The following ADARB2 variants were observed in gnomAD, a reference collection of about 807,000 sequenced individuals.
ADARB2 encodes adenosine deaminase RNA specific B2 (inactive), also known as inactive double-stranded RNA-specific editase B2.
In ADARB2, 25 loss-of-function variants were observed where a neutral mutation model predicts 62.2. That is an observed-to-expected ratio of 0.40 (90% CI 0.29 to 0.56). The LOEUF is 0.56. Ranked by LOEUF, ADARB2 falls within the 20% of genes least tolerant of loss-of-function variation. ADARB2 has a pLI of 0.43. For synonymous variants in ADARB2, 572 were observed against 500.8 expected (o/e 1.14, Z -1.90); for missense variants, 1,071 against 1,077.4 (o/e 0.99, Z 0.08).
chr10:1,253,182 G>T lies in ADARB2; in HGVS notation c.1193-10883C>A, dbSNP rs149367506. Among the ~76,000 whole-genome samples the T allele has an allele frequency of 9.5e-3, 1,445 of 152,304 alleles. 11 individuals are homozygous for T. The highest frequency in any genetic ancestry group is 0.012 in the Non-Finnish European group (838 of 68,012). On this transcript the variant is annotated intron_variant, in intron 4 of 9. Transcript: ENST00000381312. ...CATGTGCCTGATACACAGCAAAAAT[G>T]CCGCCATCTTTAGCTATTATGATAC... is the stretch of plus-strand genomic sequence containing the variant.
chr10:1,504,732 A>C (rs535777686), intron 1 of ADARB2, among the ~76,000 whole-genome samples: 1 of 152,332 alleles, frequency 6.6e-6, no homozygotes, highest in South Asian at 2.1e-4. Flanking sequence ...GTATAAAGCT[A>C]CATTTTTTTC....
At chr10:1,328,514 T>C (rs1180344458) in intron 3 of ADARB2, among the ~76,000 whole-genome samples, 1 of 152,124 alleles carries the variant, frequency 6.6e-6, no homozygotes, top group Non-Finnish European at 1.5e-5. Flanking sequence ...TGTTTTTTTT[T>C]CTTGAACAGT....
chr10:1,374,069 C>T (rs1170083429), intron 2 of ADARB2, among the ~76,000 whole-genome samples: 1 of 152,166 alleles, frequency 6.6e-6, no homozygotes, highest in Non-Finnish European at 1.5e-5. Context: ...GGCATGTCCT[C>T]CTGCCTCTGC....
At chr10:1,377,292 T>A (rs1832441745) in intron 2 of ADARB2, among the ~76,000 whole-genome samples, 1 of 143,524 alleles carries the variant, frequency 7.0e-6, no homozygotes, top group Non-Finnish European at 1.5e-5. Flanking sequence ...TGTATGTGCG[T>A]GTGCTCCTGG....
intron 1 of ADARB2, among the ~76,000 whole-genome samples, chr10:1,496,651 C>A (rs1219652820): frequency 6.6e-6 from 1 of 151,942 alleles, no homozygotes; most frequent in Non-Finnish European, 1.5e-5. Flanking sequence ...GTATGGTTAT[C>A]ATAATAATCA....
At chr10:1,188,887 G>A (rs1038364160) in intron 8 of ADARB2, among the ~76,000 whole-genome samples, 101 of 152,194 alleles carry the variant, frequency 6.6e-4, no homozygotes, top group Non-Finnish European at 1.9e-4. Context: ...AGTCAGGAGC[G>A]GGCTGCTTGC....
chr10:1,282,415 T>C (rs1831378788), intron 3 of ADARB2, among the ~76,000 whole-genome samples: 2 of 152,218 alleles, frequency 1.3e-5, no homozygotes, highest in South Asian at 4.1e-4. Context: ...GTGATTGGTT[T>C]TTAATTAAAT....
chr10:1,248,631 C>T (rs1415893352), intron 4 of ADARB2, among the ~76,000 whole-genome samples: 1 of 152,250 alleles, frequency 6.6e-6, no homozygotes, highest in Non-Finnish European at 1.5e-5. Context: ...ACAGCATTTA[C>T]TCCAATCCTT....
intron 1 of ADARB2, among the ~76,000 whole-genome samples, chr10:1,561,702 C>G (rs557976039): frequency 1.6e-3 from 242 of 152,258 alleles, no homozygotes; most frequent in African/African-American, 5.7e-3. Flanking sequence ...AAATGAATCT[C>G]ATGCACCGTA....
At chr10:1,678,270 G>A in intron 1 of ADARB2, 1 of 985,178 alleles carries the variant, frequency 1.0e-6, no homozygotes, top group South Asian at 4.7e-5. Context: ...CAGGGTGAGG[G>A]ACCTCGGGGT....
At chr10:1,422,909 G>A (rs2820657) in intron 1 of ADARB2, among the ~76,000 whole-genome samples, 6,881 of 152,216 alleles carry the variant, frequency 0.045, 548 homozygotes, top group African/African-American at 0.16. Context: ...GGAGCCCACC[G>A]AGTCTCCCTA....
chr10:1,327,960 C>CCA (rs1831890501), intron 3 of ADARB2, among the ~76,000 whole-genome samples: 2 of 144,396 alleles, frequency 1.4e-5, no homozygotes, highest in African/African-American at 2.6e-5. Context: ...CAGTGTCTCA[C>CCA]CAGTACTCAG....
chr10:1,672,110 T>A (rs1483571732), intron 1 of ADARB2, among the ~76,000 whole-genome samples: 1 of 151,706 alleles, frequency 6.6e-6, no homozygotes, highest in Non-Finnish European at 1.5e-5. Flanking sequence ...AGCAGAGCCC[T>A]ACCCCATCCC....
chr10:1,522,351 C>A (rs991995180), intron 1 of ADARB2, among the ~76,000 whole-genome samples: 1 of 152,170 alleles, frequency 6.6e-6, no homozygotes, highest in Non-Finnish European at 1.5e-5. Flanking sequence ...CAGGACACTG[C>A]CTCTAAGAGG....
At chr10:1,529,739 T>G (rs1832199581) in intron 1 of ADARB2, among the ~76,000 whole-genome samples, 1 of 152,176 alleles carries the variant, frequency 6.6e-6, no homozygotes, top group Non-Finnish European at 1.5e-5. Context: ...GCAGAAACTA[T>G]TGGTTGTGAG....
Position 1,704,890 on chromosome 10 carries a change from T to C in ADARB2, c.100+32161A>G, listed in dbSNP as rs923639417. 8.5e-5 allele frequency among the ~76,000 whole-genome samples: 13 copies of C among 152,168 alleles called. No individual in the cohort carries two copies. In the South Asian group the frequency reaches 2.5e-3, roughly 29 times the overall value. ...ACTGAGGAGCCCAGCAGTTTATCAT[T>C]TGAGCAGGAAAAGGGTGCAGGGGAG... On this transcript the variant is annotated intron_variant, in intron 1 of 9. Transcript: ENST00000381312. This position sits in a 1 kb window ranked among gnomAD's most constrained non-coding sequence, Gnocchi z 5.6.
Position 1,714,159 on chromosome 10 carries a change from C to T in ADARB2, c.100+22892G>A, listed in dbSNP as rs575790176. 4.3e-4 allele frequency among the ~76,000 whole-genome samples: 65 copies of T among 152,310 alleles called. 1 individual carries two copies. The highest frequency in any genetic ancestry group is 1.0e-3 in the South Asian group (5 of 4,826). The stretch of plus-strand genomic sequence containing the variant: ...TCAGCAGTTTCTATTTAAAAATTGA[C>T]GCCAGGATTTGAAATATTACAGTCA... On this transcript the variant is annotated intron_variant, in intron 1 of 9. Transcript: ENST00000381312.
At chr10:1,286,394 CA>C (rs2131807966) in intron 3 of ADARB2, among the ~76,000 whole-genome samples, 1 of 152,290 alleles carries the variant, frequency 6.6e-6, no homozygotes, top group South Asian at 2.1e-4. Context: ...TGTTTTCTGA[CA>C]ATTACAATAA....
chr10:1,555,084 T>C (rs1468735738), intron 1 of ADARB2, among the ~76,000 whole-genome samples: 1 of 152,210 alleles, frequency 6.6e-6, no homozygotes, highest in African/African-American at 2.4e-5. Flanking sequence ...TGCATAGTGT[T>C]CCATGGTGTC....
Sources: gnomAD v4.1 joint callset for allele counts (sites outside exome capture counted in the v4.1 genomes callset) on GRCh38, gnomAD v4.1.1 for gene constraint, Gnocchi (gnomAD v3.1) non-coding constraint, MANE v1.5 for transcripts, NCBI Gene and HGNC (gene_info 2026-07-23, HGNC 2026-07-21) for gene names.